ADAMTS2: variants seen among roughly 807,000 people sequenced by gnomAD.
ADAMTS2 encodes ADAM metallopeptidase with thrombospondin type 1 motif 2, also known as A disintegrin and metalloproteinase with thrombospondin motifs 2.
ADAMTS2 carries 50 observed loss-of-function variants against 123.0 expected under a neutral mutation model. That is an observed-to-expected ratio of 0.41 (90% CI 0.32 to 0.51). The LOEUF is 0.51. ADAMTS2 is among the 20% of genes least tolerant of loss of function. The pLI is 0.35. For missense variants in ADAMTS2, 1,494 were observed against 1,705.2 expected, an observed-to-expected ratio of 0.88 and a Z score of 2.18; for synonymous variants, 678 against 695.4, an observed-to-expected ratio of 0.98 and a Z score of 0.39.
chr5:179,331,923 G>T (rs1757495285), intron 2 of ADAMTS2, among the ~76,000 whole-genome samples: 2 of 152,198 alleles, frequency 1.3e-5, no homozygotes, highest in African/African-American at 4.8e-5. Context: ...ACTACCTGGG[G>T]TCAGCTTAGC....
chr5:179,227,472 G>A (rs565823727), intron 3 of ADAMTS2, among the ~76,000 whole-genome samples: 14 of 152,142 alleles, frequency 9.2e-5, no homozygotes, highest in Non-Finnish European at 2.1e-4. Flanking sequence ...GTCTGGCACC[G>A]ATCTGCTTGG....
rs1302897402 is a variant in ADAMTS2, at chr5:179,111,005, C to T, written c.*2862G>A. ...GCACCTTGATTCAGTATAGTGGCTA[C>T]CTGTCATACAGGAGGGAGTGGAATC... On this transcript the variant is annotated 3_prime_UTR_variant, in exon 22 of 22. Transcript: ENST00000251582. 6.6e-6 allele frequency: 1 copy of T among 152,292 alleles called. No homozygotes were observed. The highest frequency in any genetic ancestry group is 1.9e-4 in the East Asian group (1 of 5,188). The allele number at this position is 152,292 out of a possible 1,614,324, so 9.4% of individuals were successfully genotyped here. A position where few individuals can be genotyped will look rare whatever the true frequency, so the allele number is the denominator to read the frequency against.
chr5:179,263,429 G>T (rs972295593), intron 3 of ADAMTS2, among the ~76,000 whole-genome samples: 1 of 152,230 alleles, frequency 6.6e-6, no homozygotes, highest in East Asian at 1.9e-4. Flanking sequence ...TAATGAACCC[G>T]CATGGCATTC....
intron 4 of ADAMTS2, among the ~76,000 whole-genome samples, chr5:179,203,335 C>G (rs1764608829): frequency 1.3e-5 from 2 of 152,236 alleles, no homozygotes; most frequent in African/African-American, 4.8e-5. Context: ...TGTGCCGTTG[C>G]CCAGCCCCAC....
chr5:179,153,741 C>T, intron 8 of ADAMTS2, 118 bp from the exon 9 acceptor site: 2 of 1,407,686 alleles, frequency 1.4e-6, no homozygotes, highest in Non-Finnish European at 1.9e-6. Context: ...ACATCCCGGC[C>T]CCTGGCTGTG....
At chr5:179,179,078 G>A (rs2113307584) in intron 5 of ADAMTS2, among the ~76,000 whole-genome samples, 1 of 152,210 alleles carries the variant, frequency 6.6e-6, no homozygotes, top group South Asian at 2.1e-4. Flanking sequence ...CCAAATAGTT[G>A]GGACTACAGG....
rs112841247 is a variant in ADAMTS2 at position 179,206,218 on chromosome 5, C to T, written c.891+1295G>A. Among the ~76,000 whole-genome samples the T allele has an allele frequency of 9.8e-3, 1,496 of 152,278 alleles. 21 individuals are homozygous for T. Among genetic ancestry groups the T allele is most frequent in the Non-Finnish European group, 0.014 (961 of 68,010 alleles). The stretch of plus-strand genomic sequence containing the variant: ...GAGGGCTAGCTGACTCACCCAAGAC[C>T]GGTCAAGAGGAAAGTGAGCATGAAG... On this transcript the variant is annotated intron_variant, in intron 4 of 21. Transcript: ENST00000251582.
At chr5:179,274,688 C>G (rs568877906) in intron 2 of ADAMTS2, among the ~76,000 whole-genome samples, 3 of 152,238 alleles carry the variant, frequency 2.0e-5, no homozygotes, top group South Asian at 2.1e-4. Context: ...CTCTGCAGAC[C>G]GAGATGCAGT....
At chr5:179,306,521 T>C (rs779875389) in intron 2 of ADAMTS2, among the ~76,000 whole-genome samples, 1 of 152,134 alleles carries the variant, frequency 6.6e-6, no homozygotes, top group Non-Finnish European at 1.5e-5. Context: ...CCTGAGAAAC[T>C]GTTTTCCCCT....
Position 179,181,098 on chromosome 5 carries a change from G to A in ADAMTS2, c.949C>T (p.Arg317Trp), listed in dbSNP as rs1390215054. The change falls in exon 5 of 22, where the codon CGG (arginine) becomes TGG (tryptophan). Residue 317 changes from arginine to tryptophan, a missense_variant. By Grantham distance (101) the Arg-to-Trp change is moderately radical (BLOSUM62 -3). This residue lies in a region of ADAMTS2 where 70 missense variants were observed against 85.3 expected (regional missense o/e 0.82). Coordinates refer to ENST00000251582, the MANE Select transcript of ADAMTS2 (RefSeq NM_014244.5). This position sits in a 1 kb window ranked among gnomAD's most constrained non-coding sequence, Gnocchi z 4.1. Reference protein sequence around the residue: ...LGAHINVVLVRIILLSYGKSM... With the variant: ...LGAHINVVLVWIILLSYGKSM... ...TTTCCATAGCTCAGGAGGATGATCC[G>A]CACCAGGACCACGTTGATGTGGGCA... 7 of 1,613,814 alleles carry A rather than the reference G, an allele frequency of 4.3e-6. No homozygotes were observed. The highest frequency in any genetic ancestry group is 2.2e-5 in the East Asian group (1 of 44,862).
chr5:179,145,454 G>C (rs1298399259), intron 10 of ADAMTS2, among the ~76,000 whole-genome samples: 1 of 152,164 alleles, frequency 6.6e-6, no homozygotes, highest in Non-Finnish European at 1.5e-5. Flanking sequence ...TTACCGAAAG[G>C]TGGAAACAAC....
At chr5:179,283,717 C>T (rs959016393) in intron 2 of ADAMTS2, among the ~76,000 whole-genome samples, 1 of 151,516 alleles carries the variant, frequency 6.6e-6, no homozygotes, top group African/African-American at 2.4e-5. Context: ...CATGGTGAAA[C>T]CCCATCTGTC....
chr5:179,132,592 TGG>T lies in ADAMTS2; in HGVS notation c.2209+183_2209+184del, dbSNP rs1481331013. Reference sequence around the variant, plus strand: ...CCACTCTCCTCTTCCCCACCCACCCTGGCACCCAGCTGGGGCTGTCCCCGACT... The same window carrying T: ...CCACTCTCCTCTTCCCCACCCACCCTCACCCAGCTGGGGCTGTCCCCGACT... On this transcript the variant is annotated intron_variant, in intron 14 of 21. Transcript: ENST00000251582. This position sits in a 1 kb window ranked among gnomAD's most constrained non-coding sequence, Gnocchi z 6.1. Among the ~76,000 whole-genome samples, 148 of 99,872 alleles carry T rather than the reference TGG, an allele frequency of 1.5e-3. No homozygotes were observed. In the East Asian group the frequency reaches 0.039, roughly 26 times the overall value. 65.5% of individuals were successfully genotyped at this position (99,872 alleles called of 152,430 possible).
rs1007129063 is a variant in ADAMTS2 at position 179,262,057 on chromosome 5, C to A, written c.688+10854G>T. 6.6e-6 allele frequency among the ~76,000 whole-genome samples: 1 copy of A among 152,188 alleles called. No individual in the cohort carries two copies. Among genetic ancestry groups the A allele is most frequent in the Non-Finnish European group, 1.5e-5 (1 of 68,012 alleles). The stretch of plus-strand genomic sequence containing the variant: ...GAACACATGGGTCTTGGCCTTGGCA[C>A]CTTCTTTCCTGGGAAAACACCTCCC... On this transcript the variant is annotated intron_variant, in intron 3 of 21. Transcript: ENST00000251582. The surrounding 1 kb of genome is among the most constrained non-coding windows in gnomAD (Gnocchi z 5.9).
intron 19 of ADAMTS2, 147 bp downstream of exon 19, chr5:179,124,826 C>A (rs1162166597): frequency 1.9e-6 from 3 of 1,598,914 alleles, no homozygotes; most frequent in Non-Finnish European, 2.6e-6. Context: ...CCCGGCGGCT[C>A]TCAGGCCGGG....
At chr5:179,316,557 G>A (rs1257351809) in intron 2 of ADAMTS2, among the ~76,000 whole-genome samples, 1 of 152,228 alleles carries the variant, frequency 6.6e-6, no homozygotes, top group Non-Finnish European at 1.5e-5. Context: ...TGTCCCTCCA[G>A]GAACCTGTGA....
chr5:179,151,658 C>G (rs1475362048), intron 10 of ADAMTS2, among the ~76,000 whole-genome samples: 1 of 152,148 alleles, frequency 6.6e-6, no homozygotes, highest in Non-Finnish European at 1.5e-5. Context: ...GGAAGAAGTC[C>G]TTCTTTCAAG....
At chr5:179,137,293 C>A (rs1201902224) in intron 12 of ADAMTS2, among the ~76,000 whole-genome samples, 2 of 152,222 alleles carry the variant, frequency 1.3e-5, no homozygotes, top group Non-Finnish European at 2.9e-5. Flanking sequence ...CCCAAGGCCA[C>A]CAGACTCCTC....
intron 21 of ADAMTS2, among the ~76,000 whole-genome samples, chr5:179,119,178 G>A (rs1762711313): frequency 6.6e-6 from 1 of 152,184 alleles, no homozygotes; most frequent in South Asian, 2.1e-4. Flanking sequence ...GTGGAGGGAA[G>A]CACTGTCTGA....
Sources: gnomAD v4.1 joint callset for allele counts (sites outside exome capture counted in the v4.1 genomes callset) on GRCh38, gnomAD v4.1.1 for gene constraint, gnomAD v4.1.1 regional missense constraint, Gnocchi (gnomAD v3.1) non-coding constraint, MANE v1.5 for transcripts, NCBI Gene and HGNC (gene_info 2026-07-23, HGNC 2026-07-21) for gene names.